The following FBLN7 variants were observed in gnomAD, a reference collection of about 807,000 sequenced individuals.
FBLN7 encodes fibulin-7.
Under a neutral mutation model 44.0 loss-of-function variants are expected in FBLN7, and 31 were observed. That is an observed-to-expected ratio of 0.70 (90% CI 0.53 to 0.95). The LOEUF (loss-of-function observed/expected upper bound fraction) is 0.95. FBLN7 is among the 40% of genes least tolerant of loss of function. The probability of loss-of-function intolerance (pLI) is 0.00; values close to 1 mark genes in which losing one functional copy is unlikely to be tolerated. For missense variants in FBLN7, 573 were observed against 618.5 expected (o/e 0.93, Z 0.78); for synonymous variants, 262 against 253.4 (o/e 1.03, Z -0.32).
At chr2:112,209,028 C>T in the FBLN7 span, among the ~76,000 whole-genome samples, 1 of 152,138 alleles carries the variant, frequency 6.6e-6, no homozygotes, top group Non-Finnish European at 1.5e-5. Context: ...AGACAACTTC[C>T]ATTGTATTGT....
At chr2:112,200,208 G>A in the FBLN7 span, among the ~76,000 whole-genome samples, 1 of 152,188 alleles carries the variant, frequency 6.6e-6, no homozygotes, top group Non-Finnish European at 1.5e-5. Context: ...CTGGAGTGTG[G>A]TGATCAGCTG....
intron 1 of FBLN7, among the ~76,000 whole-genome samples, chr2:112,139,319 CGTCCCTCCCGCCTCTCTCCACGCCAGT>C: frequency 1.1e-3 from 1 of 910 alleles, no homozygotes. Context: ...TCCAGGCCAG[CGTCCCTCCCGCCTCTCTCCACGCCAGT>C]GTCCCTCCCG....
chr2:112,159,932 C>T (rs1018542643), intron 2 of FBLN7, 97 bp downstream of exon 2: 40 of 1,020,526 alleles, frequency 3.9e-5, no homozygotes, highest in Non-Finnish European at 3.9e-6. Flanking sequence ...ACCCCTCACC[C>T]TTCCCCCATC....
chr2:112,203,253 C>T, the FBLN7 span, among the ~76,000 whole-genome samples: 1 of 152,178 alleles, frequency 6.6e-6, no homozygotes, highest in Non-Finnish European at 1.5e-5. Context: ...GTTGTAAATT[C>T]TCAGCCAGAA....
At chr2:112,155,424 T>A (rs1681363000) in intron 1 of FBLN7, among the ~76,000 whole-genome samples, 1 of 152,178 alleles carries the variant, frequency 6.6e-6, no homozygotes. Flanking sequence ...CTTCTCGGGC[T>A]CCCTGGCCCC....
the FBLN7 span, among the ~76,000 whole-genome samples, chr2:112,224,436 T>C: frequency 1.3e-5 from 2 of 152,164 alleles, no homozygotes; most frequent in African/African-American, 4.8e-5. Flanking sequence ...TACCAGAAAA[T>C]TGCAGGACAC....
intron 1 of FBLN7, among the ~76,000 whole-genome samples, chr2:112,149,508 GCC>G (rs1195787218): frequency 1.3e-5 from 2 of 152,138 alleles, no homozygotes; most frequent in African/African-American, 4.8e-5. Context: ...CTGCCTCTCA[GCC>G]AGCGGTGCCA....
intron 1 of FBLN7, among the ~76,000 whole-genome samples, chr2:112,156,440 T>C (rs1280839676): frequency 2.0e-5 from 3 of 152,210 alleles, no homozygotes; most frequent in African/African-American, 7.2e-5. Flanking sequence ...CTATTCTTTG[T>C]TACAGCGAAG....
At chr2:112,226,219 G>A in the FBLN7 span, among the ~76,000 whole-genome samples, 1 of 148,452 alleles carries the variant, frequency 6.7e-6, no homozygotes, top group African/African-American at 2.5e-5. Flanking sequence ...TACCAAAGCT[G>A]TTTTTTTTTT....
chr2:112,232,035 C>T, the FBLN7 span: 1 of 746,690 alleles, frequency 1.3e-6, no homozygotes. Flanking sequence ...TAAATAAAGA[C>T]CTCTGTGGCC....
At chr2:112,153,100 G>A (rs1361765121) in intron 1 of FBLN7, 4 of 152,134 alleles carry the variant, frequency 2.6e-5, no homozygotes, top group Admixed American at 1.3e-4. Context: ...ATATGTGGGT[G>A]CTGAGCAGAG....
chr2:112,238,405 G>C, the FBLN7 span: 1 of 1,613,636 alleles, frequency 6.2e-7, no homozygotes, highest in Admixed American at 1.7e-5. Flanking sequence ...TACTGTTGAA[G>C]CTCTTTGGCA....
rs1259787119 is a variant in FBLN7, at chr2:112,181,781, G to A, written c.575G>A (p.Arg192His). 3 of 1,442,492 alleles carry A rather than the reference G, an allele frequency of 2.1e-6. No individual in the cohort carries two copies. The highest frequency in any genetic ancestry group is 2.8e-5 in the South Asian group (2 of 72,674). 89.4% of individuals were successfully genotyped at this position (1,442,492 alleles called of 1,614,324 possible). A position where few individuals can be genotyped will look rare whatever the true frequency, so the allele number is the denominator to read the frequency against. ...GTGGCCGGCGACTCCGCCTTCAGCC[G>A]CGCGCCGCGCTGTGCGCAGGTGGAG... ...GSVAGDSAFS[R>H]APRCAQVERA... Residue 192 changes from arginine (R) to histidine (H), a missense_variant, in exon 5 of 8, where the codon CGC becomes CAC. Transcript: ENST00000331203.
chr2:112,197,292 G>A, the FBLN7 span, among the ~76,000 whole-genome samples: 1 of 150,410 alleles, frequency 6.6e-6, no homozygotes, highest in Non-Finnish European at 1.5e-5. Context: ...GAGAGAGAGA[G>A]AGAGAGAGAG....
chr2:112,142,219 T>C (rs988692930), intron 1 of FBLN7, among the ~76,000 whole-genome samples: 1 of 152,132 alleles, frequency 6.6e-6, no homozygotes, highest in Admixed American at 6.5e-5. Flanking sequence ...CCTTCCACGT[T>C]TTGGGTCTCT....
chr2:112,238,255 T>C, the FBLN7 span: 10 of 1,520,372 alleles, frequency 6.6e-6, no homozygotes, highest in Middle Eastern at 3.5e-4. Flanking sequence ...TGTCCGTATA[T>C]GGACAACTGT....
At chr2:112,164,706 A>G (rs1682050896) in intron 2 of FBLN7, among the ~76,000 whole-genome samples, 1 of 152,230 alleles carries the variant, frequency 6.6e-6, no homozygotes, top group African/African-American at 2.4e-5. Context: ...GGTGGCAGTG[A>G]TGAAGCGGAT....
chr2:112,175,777 A>G lies in FBLN7; in HGVS notation c.470A>G (p.Gln157Arg). 5 of 1,614,232 alleles carry G rather than the reference A, an allele frequency of 3.1e-6. No homozygotes were observed. Among genetic ancestry groups the G allele is most frequent in the Non-Finnish European group, 4.2e-6 (5 of 1,180,030 alleles). ...NGGTCVEGVN[Q>R]YRCICPPGRT... The stretch of plus-strand genomic sequence containing the variant: ...GGTACATGTGTAGAAGGAGTCAACC[A>G]GTACAGATGCATTTGTCCTCCAGGA... The change falls in exon 4 of 8, where the codon CAG (glutamine) becomes CGG (arginine). Residue 157 changes from glutamine (Q) to arginine (R), a missense_variant. By Grantham distance (43) the Gln-to-Arg change is conservative (BLOSUM62 1). Coordinates refer to ENST00000331203, the MANE Select transcript of FBLN7 (RefSeq NM_153214.3).
At position 112,165,059 on chromosome 2, in the gene FBLN7, A is replaced by G. The variant is rs1181192021; in HGVS notation, c.294A>G (p.Leu98=). ...ADGRKFGSKY[L]VDHEVHFTCN... is the part of the protein sequence containing the mutation. Reference sequence around the variant, plus strand: ...GCAGAAAGTTTGGAAGCAAGTACTTAGTGGATCACGAAGTCCATTTTACCT... The same window carrying G: ...GCAGAAAGTTTGGAAGCAAGTACTTGGTGGATCACGAAGTCCATTTTACCT... The change falls in exon 3 of 8, where the codon TTA becomes TTG. Residue 98 remains leucine, a synonymous_variant. Coordinates refer to ENST00000331203, the MANE Select transcript of FBLN7 (RefSeq NM_153214.3). 1 of 1,614,006 alleles carries G rather than the reference A, an allele frequency of 6.2e-7. No individual in the cohort carries two copies. The highest frequency in any genetic ancestry group is 1.3e-5 in the African/African-American group (1 of 74,906).
Sources: allele counts gnomAD v4.1 joint callset (sites outside exome capture counted in the v4.1 genomes callset), GRCh38; gene constraint gnomAD v4.1.1; transcripts MANE v1.5; gene names NCBI Gene and HGNC (gene_info 2026-07-23, HGNC 2026-07-21).